VPS13D: variants seen among roughly 807,000 people sequenced by gnomAD.
VPS13D encodes the protein intermembrane lipid transfer protein VPS13D.
In VPS13D, 187 loss-of-function variants were observed where a neutral mutation model predicts 461.9. The observed-to-expected ratio is 0.40, with a 90% CI of 0.36 to 0.46. VPS13D has a LOEUF of 0.46. Among genes scored for constraint, VPS13D ranks in the 20% least tolerant of loss-of-function variants. The pLI is 0.60. For synonymous variants in VPS13D, 1,951 were observed against 1,986.3 expected (o/e 0.98, Z 0.47); for missense variants, 4,711 against 5,364.9 (o/e 0.88, Z 3.81).
Position 12,473,864 on chromosome 1 carries a change from C to T in VPS13D, c.12662+13468C>T, listed in dbSNP as rs1210617337. 6.6e-6 allele frequency among the ~76,000 whole-genome samples: 1 copy of T among 152,106 alleles called. No individual in the cohort carries two copies. Among genetic ancestry groups the T allele is most frequent in the Non-Finnish European group, 1.5e-5 (1 of 68,038 alleles). Reference sequence around the variant, plus strand: ...GAACAGTTGAACTCAGGCCACCAAACCTGGTTGAGTTGCTGGGTGGAGGGA... The same window carrying T: ...GAACAGTTGAACTCAGGCCACCAAATCTGGTTGAGTTGCTGGGTGGAGGGA... On this transcript the variant is annotated intron_variant, in intron 67 of 69. Coordinates refer to ENST00000620676, the MANE Select transcript of VPS13D (RefSeq NM_015378.4). This position sits in a 1 kb window ranked among gnomAD's most constrained non-coding sequence, Gnocchi z 4.2.
chr1:12,253,310 G>A (rs1640801660), intron 6 of VPS13D, among the ~76,000 whole-genome samples: 1 of 152,190 alleles, frequency 6.6e-6, no homozygotes, highest in Admixed American at 6.5e-5. Flanking sequence ...AGAGACTTGA[G>A]CATTTGCAGA....
intron 52 of VPS13D, among the ~76,000 whole-genome samples, chr1:12,363,583 CCTT>C (rs1643982845): frequency 6.6e-6 from 1 of 152,134 alleles, no homozygotes; most frequent in Admixed American, 6.5e-5. Flanking sequence ...TTATACAAAA[CCTT>C]CTTTCATTTG....
intron 67 of VPS13D, among the ~76,000 whole-genome samples, chr1:12,475,789 G>T (rs1645623604): frequency 6.6e-6 from 1 of 152,116 alleles, no homozygotes; most frequent in African/African-American, 2.4e-5. Context: ...AAAATGTCCA[G>T]GGAACCTGTT....
intron 60 of VPS13D, among the ~76,000 whole-genome samples, chr1:12,396,387 A>G (rs754944842): frequency 3.3e-5 from 5 of 152,136 alleles, no homozygotes; most frequent in Non-Finnish European, 7.4e-5. Context: ...TTTTTTATTA[A>G]CTTTCGGAGT....
chr1:12,319,040 G>A (rs1423523445), intron 31 of VPS13D, among the ~76,000 whole-genome samples: 1 of 152,158 alleles, frequency 6.6e-6, no homozygotes, highest in Non-Finnish European at 1.5e-5. Context: ...CAAAAATCTC[G>A]ATATTAAATT....
chr1:12,430,607 ACCAGGGGATGGTGC>A (rs1338233639), intron 65 of VPS13D, among the ~76,000 whole-genome samples: 1 of 152,202 alleles, frequency 6.6e-6, no homozygotes, highest in Non-Finnish European at 1.5e-5. Context: ...CAGTGTTGGA[ACCAGGGGATGGTGC>A]CCAGGCTTCA....
At chr1:12,232,554 T>C (rs1328662163) in intron 1 of VPS13D, among the ~76,000 whole-genome samples, 1 of 152,082 alleles carries the variant, frequency 6.6e-6, no homozygotes, top group Non-Finnish European at 1.5e-5. Context: ...ACTGGGATCT[T>C]CTAGTTGAGC....
intron 67 of VPS13D, among the ~76,000 whole-genome samples, chr1:12,484,432 C>T (rs969623969): frequency 1.6e-4 from 24 of 152,216 alleles, no homozygotes; most frequent in African/African-American, 5.8e-4. Context: ...GAATACCTCA[C>T]ATAGTGATGG....
intron 65 of VPS13D, among the ~76,000 whole-genome samples, chr1:12,427,169 G>A (rs370734933): frequency 6.6e-6 from 1 of 151,190 alleles, no homozygotes; most frequent in African/African-American, 2.4e-5. Flanking sequence ...TTAGTTGTTG[G>A]TAAAGCATTT....
At chr1:12,429,121 T>G (rs1644961511) in intron 65 of VPS13D, among the ~76,000 whole-genome samples, 1 of 151,888 alleles carries the variant, frequency 6.6e-6, no homozygotes, top group African/African-American at 2.4e-5. Context: ...TTTTTTTTTT[T>G]TGCCAGTCTC....
At chr1:12,253,881 AG>A (rs1640823023) in intron 7 of VPS13D, 55 bp downstream of exon 7, 11 of 1,427,698 alleles carry the variant, frequency 7.7e-6, no homozygotes, top group Non-Finnish European at 9.9e-6. Context: ...GAAGCGGCGT[AG>A]GGTCACTGCC....
chr1:12,409,736 T>G (rs1369684389), intron 63 of VPS13D: 1 of 324,150 alleles, frequency 3.1e-6, no homozygotes, highest in African/African-American at 2.2e-5. Context: ...CCAGAGATTG[T>G]TAACCAGCTT....
intron 65 of VPS13D, among the ~76,000 whole-genome samples, chr1:12,441,673 TC>T (rs1645132862): frequency 6.6e-6 from 1 of 152,116 alleles, no homozygotes; most frequent in Non-Finnish European, 1.5e-5. Flanking sequence ...TAATGAGCTG[TC>T]CCCCCACCTT....
chr1:12,373,761 G>A lies in VPS13D; in HGVS notation c.10820G>A (p.Gly3607Glu). Residue 3607 changes from glycine to glutamate, a missense_variant, in exon 55 of 70, where the codon GGA becomes GAA. Gly to Glu is a moderately conservative substitution (Grantham distance 98). Transcript: ENST00000620676. ...TTTTTAAATTCTAGCTTGCAGGAGGGAACAGGCAGGCCTGTGGCTTCCAAC... is the reference window on the plus strand; with the variant it reads ...TTTTTAAATTCTAGCTTGCAGGAGGAAACAGGCAGGCCTGTGGCTTCCAAC... ...ATYTFSGLQE[G>E]TGRPVASNKA... The A allele has an allele frequency of 6.6e-7, 1 of 1,508,746 alleles. No homozygotes were observed. Among genetic ancestry groups the A allele is most frequent in the South Asian group, 1.4e-5 (1 of 72,392 alleles). The allele number at this position is 1,508,746 out of a possible 1,614,324, so 93.5% of individuals were successfully genotyped here.
At chr1:12,427,237 ATTATT>A (rs1189616207) in intron 65 of VPS13D, among the ~76,000 whole-genome samples, 1 of 133,164 alleles carries the variant, frequency 7.5e-6, no homozygotes, top group African/African-American at 3.1e-5. Flanking sequence ...TATTATTGTC[ATTATT>A]TTATTATTAT....
intron 27 of VPS13D, 144 bp downstream of exon 27, chr1:12,308,785 G>A (rs1642645251): frequency 1.4e-6 from 1 of 736,122 alleles, no homozygotes; most frequent in Non-Finnish European, 2.2e-6. Flanking sequence ...CCAAGTAGCT[G>A]GGATTACAGG....
At position 12,333,828 on chromosome 1, in the gene VPS13D, A is replaced by T. The variant is rs574645468; in HGVS notation, c.8428+462A>T. Among the ~76,000 whole-genome samples the T allele has an allele frequency of 6.6e-5, 10 of 152,318 alleles. 1 individual carries two copies. The South Asian group carries it at 2.1e-3, about 32-fold the overall frequency. ...TGACTTGCTTAAGGGTTGCCAGGTT[A>T]GTGGTGTGTTATCTAAAAGTATCTT... On this transcript the variant is annotated intron_variant, in intron 38 of 69. Transcript: ENST00000620676.
At chr1:12,382,905 A>T (rs1197060973) in intron 57 of VPS13D, 71 bp from the exon 58 acceptor site, 10 of 1,413,152 alleles carry the variant, frequency 7.1e-6, no homozygotes, top group Non-Finnish European at 9.7e-6. Context: ...ACTTGTTTGA[A>T]ATGATGTGTT....
intron 65 of VPS13D, among the ~76,000 whole-genome samples, chr1:12,442,918 C>T (rs1308213029): frequency 6.6e-6 from 1 of 152,166 alleles, no homozygotes; most frequent in Admixed American, 6.5e-5. Context: ...TGAATTCTGC[C>T]TTTGGTAGCA....
Sources: allele counts gnomAD v4.1 joint callset (sites outside exome capture counted in the v4.1 genomes callset), GRCh38; gene constraint gnomAD v4.1.1; non-coding constraint Gnocchi (gnomAD v3.1); transcripts MANE v1.5; gene names NCBI Gene and HGNC (gene_info 2026-07-23, HGNC 2026-07-21).